FGD4: variants seen among roughly 807,000 people sequenced by gnomAD.
FGD4 encodes the protein FYVE, RhoGEF and PH domain containing 4.
In FGD4, 42 loss-of-function variants were observed where a neutral mutation model predicts 102.0. The ratio of observed to expected loss-of-function variants is 0.41; its 90% CI spans 0.32 to 0.53. FGD4 has a LOEUF of 0.53. FGD4 is among the 20% of genes least tolerant of loss of function. The probability of loss-of-function intolerance (pLI) is 0.21; values close to 1 mark genes in which losing one functional copy is unlikely to be tolerated. For synonymous variants in FGD4, 380 were observed against 375.7 expected, an observed-to-expected ratio of 1.01 and a Z score of -0.13; for missense variants, 902 against 1,078.2, an observed-to-expected ratio of 0.84 and a Z score of 2.29.
intron 1 of FGD4, among the ~76,000 whole-genome samples, chr12:32,515,828 A>G (rs1310219753): frequency 6.6e-6 from 1 of 152,210 alleles, no homozygotes; most frequent in Non-Finnish European, 1.5e-5. Context: ...TTTTGAATAT[A>G]AAAATGATCA....
In FGD4 at chr12:32,507,806, G is replaced by A. The variant is rs148442172; in HGVS notation, c.167-56331G>A. Among the ~76,000 whole-genome samples the A allele has an allele frequency of 3.5e-4, 54 of 152,312 alleles. No individual in the cohort carries two copies. In the East Asian group the frequency reaches 9.3e-3, roughly 26 times the overall value. Reference sequence around the variant, plus strand: ...CTTGTGGGGTTATCCTGGGTATTAAGGAAGTTGTGTTCAAAAATTCAAGTT... The same window carrying A: ...CTTGTGGGGTTATCCTGGGTATTAAAGAAGTTGTGTTCAAAAATTCAAGTT... On this transcript the variant is annotated intron_variant, in intron 1 of 16. Transcript: ENST00000534526.
At chr12:32,459,722 C>T (rs1184545370) in intron 1 of FGD4, among the ~76,000 whole-genome samples, 3 of 150,618 alleles carry the variant, frequency 2.0e-5, no homozygotes, top group African/African-American at 7.3e-5. Context: ...AATTTCTAGA[C>T]AGGGCCTCAC....
chr12:32,404,104 C>CCTTT (rs1158161779), intron 1 of FGD4, among the ~76,000 whole-genome samples: 2 of 147,238 alleles, frequency 1.4e-5, no homozygotes, highest in Non-Finnish European at 3.0e-5. Flanking sequence ...TTTTTGCTTG[C>CCTTT]CTTTGGGCAC....
chr12:32,477,071 T>C (rs1488539321), intron 1 of FGD4, among the ~76,000 whole-genome samples: 1 of 152,218 alleles, frequency 6.6e-6, no homozygotes, highest in Non-Finnish European at 1.5e-5. Context: ...GCGGATCACC[T>C]GAGGTAAGGA....
At chr12:32,476,172 A>G (rs985149948) in intron 1 of FGD4, among the ~76,000 whole-genome samples, 67 of 152,096 alleles carry the variant, frequency 4.4e-4, no homozygotes, top group Non-Finnish European at 8.8e-5. Context: ...TGTTTTTCAA[A>G]TCTTTACCAG....
In FGD4 at chr12:32,640,359, C is replaced by T. The variant is rs1336663423; in HGVS notation, c.2538C>T (p.Phe846=). 1 of 1,614,090 alleles carries T rather than the reference C, an allele frequency of 6.2e-7. No individual in the cohort carries two copies. The highest frequency in any genetic ancestry group is 8.5e-7 in the Non-Finnish European group (1 of 1,180,054). The part of the protein sequence containing the change: ...MPRSADLPHS[F]KLTQSKSVHS... ...GGAGCGCAGACCTGCCACACAGTTTCAAACTGACCCAGTCTAAGTCCGTGC... is the reference window on the plus strand; with the variant it reads ...GGAGCGCAGACCTGCCACACAGTTTTAAACTGACCCAGTCTAAGTCCGTGC... Residue 846 remains phenylalanine, a synonymous_variant, in exon 17 of 17, where the codon TTC becomes TTT. Transcript: ENST00000534526.
intron 1 of FGD4, among the ~76,000 whole-genome samples, chr12:32,528,769 A>T (rs901514030): frequency 6.6e-6 from 1 of 152,136 alleles, no homozygotes; most frequent in Admixed American, 6.5e-5. Context: ...TTATATTTTT[A>T]AAATTTATAT....
intron 10 of FGD4, among the ~76,000 whole-genome samples, chr12:32,618,532 G>A (rs986484502): frequency 6.6e-6 from 1 of 151,922 alleles, no homozygotes; most frequent in Non-Finnish European, 1.5e-5. Context: ...AAACAGTCTG[G>A]TTTAAAAAAA....
intron 1 of FGD4, among the ~76,000 whole-genome samples, chr12:32,448,743 A>C (rs1942692463): frequency 6.6e-6 from 1 of 151,762 alleles, no homozygotes; most frequent in African/African-American, 2.4e-5. Flanking sequence ...AAGAAGATAG[A>C]AGGGAAGCAG....
At chr12:32,422,288 CTTTTTTTTTT>C (rs770560590) in intron 1 of FGD4, among the ~76,000 whole-genome samples, 107 of 54,166 alleles carry the variant, frequency 2.0e-3, no homozygotes, top group African/African-American at 7.1e-3. Flanking sequence ...TTGGGAGCTG[CTTTTTTTTTT>C]TTTTTTTTTT....
At chr12:32,478,953 G>A (rs1943652308) in intron 1 of FGD4, among the ~76,000 whole-genome samples, 1 of 152,172 alleles carries the variant, frequency 6.6e-6, no homozygotes, top group Non-Finnish European at 1.5e-5. Flanking sequence ...TTTCAGCAAC[G>A]ATGCCCACAC....
At chr12:32,481,368 T>C (rs1182259497) in intron 1 of FGD4, among the ~76,000 whole-genome samples, 1 of 152,188 alleles carries the variant, frequency 6.6e-6, no homozygotes, top group East Asian at 1.9e-4. Context: ...AATATGGTCT[T>C]ACAAGATGTA....
At position 32,619,739 on chromosome 12, in the gene FGD4, G is replaced by C. The variant is rs1429038956; in HGVS notation, c.1791G>C (p.Leu597Phe). ...MLLYCVPKFSLVGSKFTVRTR... is the reference protein window; with the variant it reads ...MLLYCVPKFSFVGSKFTVRTR... ...TGTACTGTGTGCCCAAATTCAGCTT[G>C]GTAGGCTCTAAATTCACAGTTCGAA... The change falls in exon 11 of 17, where the codon TTG becomes TTC. Residue 597 changes from leucine to phenylalanine, a missense_variant. Leu to Phe is a conservative substitution (Grantham distance 22, BLOSUM62 0). This residue lies in a region of FGD4 where 459 missense variants were observed against 619.0 expected (regional missense o/e 0.74). Coordinates refer to ENST00000534526, the MANE Select transcript of FGD4 (RefSeq NM_001370298.3). 6.2e-7 allele frequency: 1 copy of C among 1,614,048 alleles called. No individual in the cohort carries two copies. Among genetic ancestry groups the C allele is most frequent in the Non-Finnish European group, 8.5e-7 (1 of 1,180,022 alleles).
rs886671017 is a variant in FGD4 at position 32,472,845 on chromosome 12, G to A, written c.166+72886G>A. 6.6e-4 allele frequency among the ~76,000 whole-genome samples: 101 copies of A among 152,184 alleles called. 1 individual carries two copies. Among genetic ancestry groups the A allele is most frequent in the African/African-American group, 2.4e-3 (99 of 41,438 alleles). On this transcript the variant is annotated intron_variant, in intron 1 of 16. Coordinates refer to ENST00000534526, the MANE Select transcript of FGD4 (RefSeq NM_001370298.3). Reference sequence around the variant, plus strand: ...ATCCCGTGTTTAGCTCAAGGTTTGTGAGTGCACCAATCGACACTGTATCTA... The same window carrying A: ...ATCCCGTGTTTAGCTCAAGGTTTGTAAGTGCACCAATCGACACTGTATCTA...
chr12:32,526,148 G>A (rs1941168811), intron 1 of FGD4, among the ~76,000 whole-genome samples: 1 of 152,268 alleles, frequency 6.6e-6, no homozygotes, highest in African/African-American at 2.4e-5. Flanking sequence ...GTCTGGTGGG[G>A]ACATGGAGAG....
At chr12:32,491,869 C>A (rs1431402927) in intron 1 of FGD4, among the ~76,000 whole-genome samples, 1 of 152,184 alleles carries the variant, frequency 6.6e-6, no homozygotes, top group Non-Finnish European at 1.5e-5. Context: ...TCTCTGCATG[C>A]CTTTGCCTTT....
At chr12:32,415,272 A>G (rs1367691185) in intron 1 of FGD4, among the ~76,000 whole-genome samples, 1 of 152,168 alleles carries the variant, frequency 6.6e-6, no homozygotes, top group Non-Finnish European at 1.5e-5. Context: ...GAAATGTTTC[A>G]TAAATACTTA....
chr12:32,561,075 GTTTTTTTTTT>G (rs1218919677), intron 1 of FGD4, among the ~76,000 whole-genome samples: 4 of 85,150 alleles, frequency 4.7e-5, no homozygotes, highest in African/African-American at 1.8e-4. Flanking sequence ...GTTGGGTTTT[GTTTTTTTTTT>G]TTTTTTTTTT....
chr12:32,503,252 G>T (rs1374028321), intron 1 of FGD4, among the ~76,000 whole-genome samples: 2 of 152,190 alleles, frequency 1.3e-5, no homozygotes, highest in African/African-American at 2.4e-5. Flanking sequence ...CCAGTGCTCT[G>T]TGAGTCTAAC....
Sources: allele counts gnomAD v4.1 joint callset (sites outside exome capture counted in the v4.1 genomes callset), GRCh38; gene constraint gnomAD v4.1.1; regional missense constraint gnomAD v4.1.1; transcripts MANE v1.5; gene names NCBI Gene and HGNC (gene_info 2026-07-23, HGNC 2026-07-21).